Variants in CDH12 observed in about 807,000 individuals in gnomAD.
CDH12 encodes the protein cadherin 12, also known as cadherin-12.
In CDH12, 41 loss-of-function variants were observed where a neutral mutation model predicts 74.1. That is an observed-to-expected ratio of 0.55 (90% confidence interval 0.43 to 0.72). The LOEUF is 0.72. Among genes scored for constraint, CDH12 ranks in the 30% least tolerant of loss-of-function variants. The pLI, the probability that CDH12 is intolerant of heterozygous loss-of-function variation, is 0.00. For missense variants in CDH12, 945 were observed against 977.2 expected, an observed-to-expected ratio of 0.97 and a Z score of 0.44; for synonymous variants, 399 against 355.0, an observed-to-expected ratio of 1.12 and a Z score of -1.39.
intron 1 of CDH12, among the ~76,000 whole-genome samples, chr5:22,818,577 T>C (rs1033053860): frequency 1.3e-5 from 2 of 152,162 alleles, no homozygotes; most frequent in African/African-American, 2.4e-5. Context: ...TCATTTGACA[T>C]AAAGGATGCT....
At chr5:22,552,567 T>C (rs1738621031) in intron 1 of CDH12, among the ~76,000 whole-genome samples, 1 of 152,044 alleles carries the variant, frequency 6.6e-6, no homozygotes, top group African/African-American at 2.4e-5. Flanking sequence ...TAGCTGGAAC[T>C]ACAGGCACCA....
chr5:22,244,593 A>G (rs1365008368), intron 3 of CDH12, among the ~76,000 whole-genome samples: 1 of 139,892 alleles, frequency 7.1e-6, no homozygotes, highest in African/African-American at 2.7e-5. Context: ...GAAAGAAAGG[A>G]AAGACAGAGA....
At position 22,273,104 on chromosome 5, in the gene CDH12, G is replaced by T. The variant is rs2150401441; in HGVS notation, c.-332-60461C>A. ...CGAGGTCCCTCCCCCAACATGTGGG[G>T]ATTACAATTGGATTGCAATTCTGGA... On this transcript the variant is annotated intron_variant, in intron 3 of 14. Transcript: ENST00000382254. 1.3e-5 allele frequency among the ~76,000 whole-genome samples: 2 copies of T among 152,230 alleles called. 1 individual carries two copies. The highest frequency in any genetic ancestry group is 4.1e-4 in the South Asian group (2 of 4,820).
At chr5:22,484,266 C>A (rs568544244) in intron 2 of CDH12, among the ~76,000 whole-genome samples, 10 of 152,176 alleles carry the variant, frequency 6.6e-5, no homozygotes, top group African/African-American at 2.2e-4. Context: ...TTTCTATCAC[C>A]AGTGGCTTGC....
intron 6 of CDH12, among the ~76,000 whole-genome samples, chr5:21,961,572 G>A (rs1250651837): frequency 4.6e-5 from 7 of 152,120 alleles, no homozygotes; most frequent in Admixed American, 3.9e-4. Context: ...CTTTATAGAT[G>A]TAATCAAGTC....
At chr5:21,997,739 A>C (rs769611913) in intron 5 of CDH12, among the ~76,000 whole-genome samples, 21 of 152,174 alleles carry the variant, frequency 1.4e-4, no homozygotes, top group Non-Finnish European at 2.6e-4. Context: ...TGAAAATGTC[A>C]AATAATATGC....
intron 2 of CDH12, among the ~76,000 whole-genome samples, chr5:22,417,118 G>A (rs764039940): frequency 2.0e-5 from 3 of 152,098 alleles, no homozygotes; most frequent in Non-Finnish European, 4.4e-5. Context: ...AATTGAAAAT[G>A]TTTATTTAAA....
At chr5:22,490,790 G>A (rs1448592979) in intron 2 of CDH12, among the ~76,000 whole-genome samples, 1 of 152,000 alleles carries the variant, frequency 6.6e-6, no homozygotes, top group Non-Finnish European at 1.5e-5. Context: ...GAAAATGTAG[G>A]GAGAACTAAC....
chr5:21,840,802 A>G (rs1217704348), intron 8 of CDH12, among the ~76,000 whole-genome samples: 1 of 152,196 alleles, frequency 6.6e-6, no homozygotes, highest in East Asian at 1.9e-4. Context: ...CTGGCTAGCC[A>G]TATATAAAAA....
At chr5:21,925,864 A>G (rs1754560856) in intron 6 of CDH12, among the ~76,000 whole-genome samples, 1 of 152,190 alleles carries the variant, frequency 6.6e-6, no homozygotes, top group African/African-American at 2.4e-5. Flanking sequence ...GACAATTGAA[A>G]GCATGCTGTT....
intron 9 of CDH12, among the ~76,000 whole-genome samples, chr5:21,806,251 G>A (rs1437564173): frequency 6.6e-6 from 1 of 152,152 alleles, no homozygotes; most frequent in East Asian, 1.9e-4. Context: ...AAGTGGCCTT[G>A]CAAAGCTATC....
intron 1 of CDH12, among the ~76,000 whole-genome samples, chr5:22,736,545 TGTTA>T (rs1302176220): frequency 1.3e-5 from 2 of 151,890 alleles, no homozygotes; most frequent in African/African-American, 4.8e-5. Context: ...GTATGTTGTC[TGTTA>T]GAGTCAGCGT....
rs143326934 is a variant in CDH12, at chr5:21,955,983, ATAAT to A, written c.526+19104_526+19107del. Among the ~76,000 whole-genome samples the A allele has an allele frequency of 5.0e-3, 757 of 152,278 alleles. 3 individuals are homozygous for A. The highest frequency in any genetic ancestry group is 0.014 in the Middle Eastern group (4 of 294). On this transcript the variant is annotated intron_variant, in intron 6 of 14. Coordinates refer to ENST00000382254, the MANE Select transcript of CDH12 (RefSeq NM_004061.5). ...AAAATCAACAAAAACAACATGAAAC[ATAAT>A]TAGACACACAAAGACTTCAAACATT...
chr5:22,823,054 T>TA (rs1749794697), intron 1 of CDH12, among the ~76,000 whole-genome samples: 1 of 151,910 alleles, frequency 6.6e-6, no homozygotes, highest in South Asian at 2.1e-4. Context: ...TATGCAGCCA[T>TA]AAAAAATGAA....
At chr5:22,240,695 G>A (rs1189798807) in intron 3 of CDH12, among the ~76,000 whole-genome samples, 2 of 151,736 alleles carry the variant, frequency 1.3e-5, no homozygotes, top group Non-Finnish European at 2.9e-5. Flanking sequence ...CACCATGCCG[G>A]GCTAATTTTT....
At chr5:22,096,038 C>A (rs1413933854) in intron 4 of CDH12, among the ~76,000 whole-genome samples, 1 of 151,454 alleles carries the variant, frequency 6.6e-6, no homozygotes, top group African/African-American at 2.4e-5. Context: ...AACCCCCAAA[C>A]CCCTTCCCTC....
At chr5:22,374,522 C>T (rs889268781) in intron 3 of CDH12, among the ~76,000 whole-genome samples, 1 of 152,070 alleles carries the variant, frequency 6.6e-6, no homozygotes, top group African/African-American at 2.4e-5. Flanking sequence ...TTGAATTATT[C>T]ATCCTTGCTG....
chr5:22,762,341 CT>C (rs1746269734), intron 1 of CDH12, among the ~76,000 whole-genome samples: 1 of 151,976 alleles, frequency 6.6e-6, no homozygotes, highest in Non-Finnish European at 1.5e-5. Context: ...AATAAAAAAT[CT>C]AATTTTATCT....
chr5:22,348,298 C>A (rs1740210640), intron 3 of CDH12, among the ~76,000 whole-genome samples: 1 of 152,048 alleles, frequency 6.6e-6, no homozygotes, highest in Non-Finnish European at 1.5e-5. Flanking sequence ...CACTCTGAAC[C>A]CTTAGTGGTA....
Sources: allele counts gnomAD v4.1 joint callset (sites outside exome capture counted in the v4.1 genomes callset), GRCh38; gene constraint gnomAD v4.1.1; transcripts MANE v1.5; gene names NCBI Gene and HGNC (gene_info 2026-07-23, HGNC 2026-07-21).